PRDM15: variants seen among roughly 807,000 people sequenced by gnomAD.
PRDM15 encodes PR domain zinc finger protein 15.
In PRDM15, 64 loss-of-function variants were observed where a neutral mutation model predicts 128.6. The ratio of observed to expected loss-of-function variants is 0.50; its 90% CI spans 0.41 to 0.61. PRDM15 has a LOEUF of 0.61. Ranked by LOEUF, PRDM15 falls within the 20% of genes least tolerant of loss-of-function variation. PRDM15 has a pLI of 0.00. For missense variants in PRDM15, 1,242 were observed against 1,569.1 expected, an observed-to-expected ratio of 0.79 and a Z score of 3.52; for synonymous variants, 615 against 621.8, an observed-to-expected ratio of 0.99 and a Z score of 0.16.
chr21:41,823,369 G>C lies in PRDM15; in HGVS notation c.1710C>G (p.Arg570=), dbSNP rs1256236399. 2.5e-6 allele frequency: 4 copies of C among 1,597,146 alleles called. No individual in the cohort carries two copies. In the African/African-American group the frequency reaches 5.4e-5, roughly 21 times the overall value. ...TGAGCACATCCACGCGGAAGAACTT[G>C]CGCCCGCAGATCTCGCAGGTGTACT... ...DKKYTCEICG[R]KFFRVDVLRD... The change falls in exon 14 of 24, where the codon CGC becomes CGG. Residue 570 remains arginine, a synonymous_variant. Coordinates refer to ENST00000398548, the MANE Select transcript of PRDM15 (RefSeq NM_001040424.3).
intron 5 of PRDM15, among the ~76,000 whole-genome samples, chr21:41,851,578 C>T (rs2063431329): frequency 6.6e-6 from 1 of 152,238 alleles, no homozygotes; most frequent in Middle Eastern, 3.4e-3. Context: ...GGCGCTGACG[C>T]GGCTGCAGAG....
intron 1 of PRDM15, chr21:41,878,841 G>A (rs1202852417): frequency 2.3e-5 from 21 of 899,238 alleles, no homozygotes; most frequent in Non-Finnish European, 2.5e-5. Flanking sequence ...GCGGGGCCGC[G>A]GGCCGGGGCG....
At chr21:41,836,049 T>G in intron 10 of PRDM15, 64 bp downstream of exon 10, 1 of 1,013,252 alleles carries the variant, frequency 9.9e-7, no homozygotes. Flanking sequence ...AACATGGTGA[T>G]TTGGTCAGTT....
At chr21:41,813,359 A>T (rs1189537809) in intron 19 of PRDM15, 2 of 152,304 alleles carry the variant, frequency 1.3e-5, no homozygotes, top group African/African-American at 4.8e-5. Context: ...CATATACTGG[A>T]CAGAGATTCC....
At chr21:41,843,142 A>G (rs1412243202) in intron 6 of PRDM15, among the ~76,000 whole-genome samples, 1 of 152,034 alleles carries the variant, frequency 6.6e-6, no homozygotes, top group African/African-American at 2.4e-5. Context: ...AAGTATATCT[A>G]TAACCTTTGT....
rs754637770 is a variant in PRDM15 at position 41,819,595 on chromosome 21, G to A, written c.2247C>T (p.Ala749=). The change falls in exon 18 of 24, where the codon GCC becomes GCT. Residue 749 remains alanine, a synonymous_variant. Coordinates refer to ENST00000398548, the MANE Select transcript of PRDM15 (RefSeq NM_001040424.3). The part of the protein sequence containing the change: ...VHDNVREYLC[A]ECGKGMKTKH... ...ACCCGTACCCACCTTTCCCACACTC[G>A]GCACACAGGTACTCGCGGACATTGT... 15 of 1,612,238 alleles carry A rather than the reference G, an allele frequency of 9.3e-6. No individual in the cohort carries two copies. Among genetic ancestry groups the A allele is most frequent in the African/African-American group, 4.0e-5 (3 of 74,838 alleles).
chr21:41,863,994 C>T (rs2063912720), intron 1 of PRDM15, among the ~76,000 whole-genome samples: 1 of 152,130 alleles, frequency 6.6e-6, no homozygotes. Context: ...CAGGCACGTG[C>T]CACCACACCC....
chr21:41,849,028 G>A (rs117659348), intron 5 of PRDM15, among the ~76,000 whole-genome samples: 4 of 152,220 alleles, frequency 2.6e-5, no homozygotes, highest in Non-Finnish European at 5.9e-5. Context: ...AAGATGTGGT[G>A]AGCCAGACTG....
At chr21:41,868,199 G>A (rs115650385) in intron 1 of PRDM15, among the ~76,000 whole-genome samples, 3 of 151,990 alleles carry the variant, frequency 2.0e-5, no homozygotes, top group Non-Finnish European at 4.4e-5. Context: ...TCCATGATTC[G>A]AGTGCATTAC....
chr21:41,854,947 G>T lies in PRDM15; in HGVS notation c.286-129C>A. 9.7e-7 allele frequency: 1 copy of T among 1,030,076 alleles called. No homozygotes were observed. Among genetic ancestry groups the T allele is most frequent in the Non-Finnish European group, 1.4e-6 (1 of 724,056 alleles). 63.8% of individuals were successfully genotyped at this position (1,030,076 alleles called of 1,614,324 possible). On this transcript the variant is annotated intron_variant, in intron 4 of 23. Coordinates refer to ENST00000398548, the MANE Select transcript of PRDM15 (RefSeq NM_001040424.3). The surrounding 1 kb of genome is among the most constrained non-coding windows in gnomAD (Gnocchi z 4.6). ...CACGTCAGAGGCCATAAGGGCTCCT[G>T]TACGGGATGTTGAGGTGTTTACAAT...
intron 9 of PRDM15, 63 bp from the exon 10 acceptor site, chr21:41,836,270 C>T: frequency 6.7e-7 from 1 of 1,490,780 alleles, no homozygotes; most frequent in South Asian, 1.2e-5. Flanking sequence ...AGAAGCATGC[C>T]CACCGGGGAA....
chr21:41,810,499 C>A lies in PRDM15; in HGVS notation c.2477-170G>T. On this transcript the variant is annotated intron_variant, in intron 20 of 23. Coordinates refer to ENST00000398548, the MANE Select transcript of PRDM15 (RefSeq NM_001040424.3). This position sits in a 1 kb window ranked among gnomAD's most constrained non-coding sequence, Gnocchi z 6.4. ...CCCCGAGCACACATGAGCACAGAGC[C>A]TCTGTCCCTTGGGGAGCACTGCCAG... The A allele has an allele frequency of 1.4e-6, 1 of 726,794 alleles. No homozygotes were observed. Among genetic ancestry groups the A allele is most frequent in the Non-Finnish European group, 2.2e-6 (1 of 445,432 alleles). The allele number at this position is 726,794 out of a possible 1,614,324, so 45.0% of individuals were successfully genotyped here.
At chr21:41,806,198 C>T (rs796159608) in intron 21 of PRDM15, among the ~76,000 whole-genome samples, 1 of 23,556 alleles carries the variant, frequency 4.2e-5, no homozygotes, top group Non-Finnish European at 8.3e-5. Context: ...ATCACCACCA[C>T]CACCATCACC....
rs746677961 is a variant in PRDM15 at position 41,801,408 on chromosome 21, G to A, written c.3258C>T (p.Asn1086=). The A allele has an allele frequency of 3.7e-6, 6 of 1,613,984 alleles. No homozygotes were observed. In the South Asian group the frequency reaches 5.5e-5, roughly 15 times the overall value. ...AHFINLTTLV[N]SITPLGSQLS... The stretch of plus-strand genomic sequence containing the variant: ...GCTGGCTCCCCAGGGGCGTGATGGA[G>A]TTGACCAGGGTCGTCAGGTTGATGA... Residue 1086 remains asparagine (N), a synonymous_variant, in exon 24 of 24, where the codon AAC becomes AAT. Coordinates refer to ENST00000398548, the MANE Select transcript of PRDM15 (RefSeq NM_001040424.3).
At position 41,859,331 on chromosome 21, in the gene PRDM15, C is replaced by T; in HGVS notation, c.131+261G>A. 2 of 1,091,208 alleles carry T rather than the reference C, an allele frequency of 1.8e-6. No homozygotes were observed. Among genetic ancestry groups the T allele is most frequent in the Non-Finnish European group, 2.7e-6 (2 of 740,384 alleles). The allele number at this position is 1,091,208 out of a possible 1,614,324, so 67.6% of individuals were successfully genotyped here. On this transcript the variant is annotated intron_variant, in intron 3 of 23. Transcript: ENST00000398548. This position sits in a 1 kb window ranked among gnomAD's most constrained non-coding sequence, Gnocchi z 5.3. ...TCCACTCTTCTGCAGCCTCCACACACTGTGTCGGGAACAGCTGGGCTCCAG... is the reference window on the plus strand; with the variant it reads ...TCCACTCTTCTGCAGCCTCCACACATTGTGTCGGGAACAGCTGGGCTCCAG...
chr21:41,802,661 G>T, intron 23 of PRDM15, 51 bp downstream of exon 23: 1 of 1,477,118 alleles, frequency 6.8e-7, no homozygotes, highest in Non-Finnish European at 9.5e-7. Context: ...AGGCTCTCAT[G>T]CTTAGGGAAA....
In PRDM15 at chr21:41,836,544, C is replaced by G; in HGVS notation, c.1107G>C (p.Lys369Asn). Residue 369 changes from lysine to asparagine, a missense_variant, in exon 9 of 24, where the codon AAG (lysine) becomes AAC (asparagine). Lys to Asn is a moderately conservative substitution (Grantham distance 94, BLOSUM62 0). This residue lies in a region of PRDM15 where 612 missense variants were observed against 717.0 expected (regional missense o/e 0.85). Coordinates refer to ENST00000398548, the MANE Select transcript of PRDM15 (RefSeq NM_001040424.3). Reference sequence around the variant, plus strand: ...TGCAGATATTGCACTGGTAAACCCGCTTGTGCTCCCCGAGCTGTTTGATGA... The same window carrying G: ...TGCAGATATTGCACTGGTAAACCCGGTTGTGCTCCCCGAGCTGTTTGATGA... ...RKLIKQLGEHKRVYQCNICSK... is the reference protein window; with the variant it reads ...RKLIKQLGEHNRVYQCNICSK... The G allele has an allele frequency of 6.2e-7, 1 of 1,613,254 alleles. No individual in the cohort carries two copies. The highest frequency in any genetic ancestry group is 8.5e-7 in the Non-Finnish European group (1 of 1,179,992).
intron 18 of PRDM15, among the ~76,000 whole-genome samples, chr21:41,816,430 C>T (rs1335553518): frequency 1.3e-5 from 2 of 152,188 alleles, no homozygotes; most frequent in Non-Finnish European, 2.9e-5. Flanking sequence ...CTTGGTACAC[C>T]TGACCGTGAG....
At chr21:41,827,132 T>A (rs1051294863) in intron 12 of PRDM15, among the ~76,000 whole-genome samples, 26 of 152,166 alleles carry the variant, frequency 1.7e-4, no homozygotes, top group African/African-American at 6.0e-4. Context: ...GGCTACCCAG[T>A]CACTAAGTGG....
Sources: gnomAD v4.1 joint callset for allele counts (sites outside exome capture counted in the v4.1 genomes callset) on GRCh38, gnomAD v4.1.1 for gene constraint, gnomAD v4.1.1 regional missense constraint, Gnocchi (gnomAD v3.1) non-coding constraint, MANE v1.5 for transcripts, NCBI Gene and HGNC (gene_info 2026-07-23, HGNC 2026-07-21) for gene names.